Variants in OSBPL3 observed in about 807,000 individuals in gnomAD.
The protein encoded by OSBPL3 is oxysterol-binding protein-related protein 3.
In OSBPL3, 65 loss-of-function variants were observed where a neutral mutation model predicts 120.1. The observed-to-expected ratio is 0.54, with a 90% CI of 0.44 to 0.67. The LOEUF is 0.67. Among genes scored for constraint, OSBPL3 ranks in the 30% least tolerant of loss-of-function variants. The pLI, the probability that OSBPL3 is intolerant of heterozygous loss-of-function variation, is 0.00. For synonymous variants in OSBPL3, 416 were observed against 402.6 expected, an observed-to-expected ratio of 1.03 and a Z score of -0.40; for missense variants, 1,004 against 1,082.1, an observed-to-expected ratio of 0.93 and a Z score of 1.01.
chr7:24,893,486 T>C (rs1805659441), intron 1 of OSBPL3, among the ~76,000 whole-genome samples: 1 of 152,206 alleles, frequency 6.6e-6, no homozygotes, highest in Non-Finnish European at 1.5e-5. Flanking sequence ...GACTGCTTAA[T>C]GGCTACAGTT....
rs530709924 is a variant in OSBPL3 at position 24,913,273 on chromosome 7, G to A, written c.-149-20652C>T. Among the ~76,000 whole-genome samples, 3 of 152,264 alleles carry A rather than the reference G, an allele frequency of 2.0e-5. No homozygotes were observed. Among genetic ancestry groups the A allele is most frequent in the Non-Finnish European group, 2.9e-5 (2 of 68,022 alleles). On this transcript the variant is annotated intron_variant, in intron 1 of 22. Coordinates refer to ENST00000313367, the MANE Select transcript of OSBPL3 (RefSeq NM_015550.4). This position sits in a 1 kb window ranked among gnomAD's most constrained non-coding sequence, Gnocchi z 5.3. ...GTTGTTTGTGACACTGCATTAGATC[G>A]CTGAAACCCCAGGCAGGAAGCCCTG...
chr7:24,825,586 G>A (rs1795614398), intron 16 of OSBPL3, among the ~76,000 whole-genome samples: 1 of 152,200 alleles, frequency 6.6e-6, no homozygotes, highest in Admixed American at 6.5e-5. Flanking sequence ...GGTTTTATTT[G>A]AACGGCTTGA....
At chr7:24,812,859 C>T (rs2128123552) in intron 19 of OSBPL3, among the ~76,000 whole-genome samples, 1 of 152,234 alleles carries the variant, frequency 6.6e-6, no homozygotes, top group East Asian at 1.9e-4. Flanking sequence ...AAAAAAAAGA[C>T]TATTGAGACT....
intron 5 of OSBPL3, among the ~76,000 whole-genome samples, 177 bp downstream of exon 5, chr7:24,870,555 T>C (rs1234026247): frequency 6.6e-6 from 1 of 152,190 alleles, no homozygotes; most frequent in African/African-American, 2.4e-5. Flanking sequence ...TCAAGCAGTG[T>C]TGACAGTCCT....
intron 1 of OSBPL3, among the ~76,000 whole-genome samples, chr7:24,910,305 T>A (rs1301020558): frequency 6.6e-6 from 1 of 152,184 alleles, no homozygotes; most frequent in Non-Finnish European, 1.5e-5. Flanking sequence ...ATGTTCTGAA[T>A]GGAGAGAGAT....
At chr7:24,832,206 CAAAAA>C (rs35738897) in intron 15 of OSBPL3, among the ~76,000 whole-genome samples, 1 of 95,658 alleles carries the variant, frequency 1.0e-5, no homozygotes, top group African/African-American at 4.1e-5. Context: ...GACCCTGTCT[CAAAAA>C]AAAAAAAAAA....
intron 1 of OSBPL3, among the ~76,000 whole-genome samples, chr7:24,926,355 G>T (rs1811046011): frequency 1.3e-5 from 2 of 152,192 alleles, no homozygotes; most frequent in South Asian, 4.1e-4. Flanking sequence ...AAAAACAGAT[G>T]CTCAGGACAT....
rs1444802063 is a variant in OSBPL3 at position 24,965,086 on chromosome 7, T to C, written c.-150+14800A>G. 6.6e-6 allele frequency among the ~76,000 whole-genome samples: 1 copy of C among 152,252 alleles called. No homozygotes were observed. The highest frequency in any genetic ancestry group is 1.5e-5 in the Non-Finnish European group (1 of 68,040). ...GTAGTTAGGGAAGTTATGGAAACCA[T>C]TCATTCATTTATTCAACAATAAGTA... On this transcript the variant is annotated intron_variant, in intron 1 of 22. Transcript: ENST00000313367. The surrounding 1 kb of genome is among the most constrained non-coding windows in gnomAD (Gnocchi z 4.3).
At position 24,835,644 on chromosome 7, in the gene OSBPL3, C is replaced by G. The variant is rs1796905549; in HGVS notation, c.1496-908G>C. 6.6e-6 allele frequency among the ~76,000 whole-genome samples: 1 copy of G among 152,056 alleles called. No homozygotes were observed. Among genetic ancestry groups the G allele is most frequent in the Non-Finnish European group, 1.5e-5 (1 of 68,006 alleles). ...TTTATCACAGCACTATTCCCAACAG[C>G]AAAGACATGGAATCAATTTAAATGC... On this transcript the variant is annotated intron_variant, in intron 14 of 22. Coordinates refer to ENST00000313367, the MANE Select transcript of OSBPL3 (RefSeq NM_015550.4). This position sits in a 1 kb window ranked among gnomAD's most constrained non-coding sequence, Gnocchi z 4.8.
At chr7:24,949,801 T>A (rs898227205) in intron 1 of OSBPL3, among the ~76,000 whole-genome samples, 1 of 152,006 alleles carries the variant, frequency 6.6e-6, no homozygotes, top group African/African-American at 2.4e-5. Flanking sequence ...TATAACACAC[T>A]CTGTTATTAT....
intron 19 of OSBPL3, among the ~76,000 whole-genome samples, chr7:24,814,088 A>G (rs1794170337): frequency 6.6e-6 from 1 of 152,166 alleles, no homozygotes; most frequent in Non-Finnish European, 1.5e-5. Flanking sequence ...CTGACTTCAG[A>G]CGGTGATAAG....
At chr7:24,979,694 G>A (rs900533916) in intron 1 of OSBPL3, among the ~76,000 whole-genome samples, 192 bp downstream of exon 1, 3 of 152,156 alleles carry the variant, frequency 2.0e-5, no homozygotes, top group African/African-American at 7.2e-5. Context: ...CTCCTTCCCC[G>A]GGAGCTGCAG....
rs1812644153 is a variant in OSBPL3, at chr7:24,938,172, G to T, written c.-150+41714C>A. On this transcript the variant is annotated intron_variant, in intron 1 of 22. Coordinates refer to ENST00000313367, the MANE Select transcript of OSBPL3 (RefSeq NM_015550.4). The surrounding 1 kb of genome is among the most constrained non-coding windows in gnomAD (Gnocchi z 5.8). ...ATGGTATTAGGAGTTGGAGCCTTTG[G>T]GCGGTGATCAAGTCATGAGGGCTCC... 6.6e-6 allele frequency among the ~76,000 whole-genome samples: 1 copy of T among 152,144 alleles called. No homozygotes were observed. The highest frequency in any genetic ancestry group is 1.5e-5 in the Non-Finnish European group (1 of 68,036).
At position 24,952,480 on chromosome 7, in the gene OSBPL3, A is replaced by G. The variant is rs1330944490; in HGVS notation, c.-150+27406T>C. Among the ~76,000 whole-genome samples the G allele has an allele frequency of 6.6e-6, 1 of 152,200 alleles. No individual in the cohort carries two copies. On this transcript the variant is annotated intron_variant, in intron 1 of 22. Transcript: ENST00000313367. The surrounding 1 kb of genome is among the most constrained non-coding windows in gnomAD (Gnocchi z 4.4). The stretch of plus-strand genomic sequence containing the variant: ...TATGGTCTAATCTAACATGTCTAAA[A>G]TATTATTTGTAATACCCTTAAAGAA...
intron 2 of OSBPL3, among the ~76,000 whole-genome samples, chr7:24,888,186 A>G (rs1804814603): frequency 6.6e-6 from 1 of 152,238 alleles, no homozygotes; most frequent in Non-Finnish European, 1.5e-5. Context: ...CACTATGGGC[A>G]TTCAGGACTT....
rs1812521400 is a variant in OSBPL3 at position 24,937,139 on chromosome 7, G to T, written c.-150+42747C>A. Among the ~76,000 whole-genome samples the T allele has an allele frequency of 1.3e-5, 2 of 152,176 alleles. No homozygotes were observed. Among genetic ancestry groups the T allele is most frequent in the African/African-American group, 4.8e-5 (2 of 41,440 alleles). On this transcript the variant is annotated intron_variant, in intron 1 of 22. Coordinates refer to ENST00000313367, the MANE Select transcript of OSBPL3 (RefSeq NM_015550.4). This position sits in a 1 kb window ranked among gnomAD's most constrained non-coding sequence, Gnocchi z 4.0. ...CAAACATGTCCTTCTTCACATGGCG[G>T]CAGGAGAAATGCCGAGCAAAAGGGG... is the stretch of plus-strand genomic sequence containing the variant.
At chr7:24,926,513 A>T (rs1025640218) in intron 1 of OSBPL3, among the ~76,000 whole-genome samples, 6 of 152,058 alleles carry the variant, frequency 3.9e-5, no homozygotes, top group Non-Finnish European at 8.8e-5. Flanking sequence ...AGGCTCAATT[A>T]CCCCCACTTT....
chr7:24,867,923 T>TA lies in OSBPL3; in HGVS notation c.382-1687dup, dbSNP rs1390689200. Among the ~76,000 whole-genome samples the TA allele has an allele frequency of 6.6e-6, 1 of 152,242 alleles. No individual in the cohort carries two copies. The highest frequency in any genetic ancestry group is 1.9e-4 in the East Asian group (1 of 5,206). The stretch of plus-strand genomic sequence containing the variant: ...TTTCTAATTTCCATGAAGAATACTG[T>TA]AACTAGTAGTTTTTATTTAAAGATA... On this transcript the variant is annotated intron_variant, in intron 5 of 22. Coordinates refer to ENST00000313367, the MANE Select transcript of OSBPL3 (RefSeq NM_015550.4). The surrounding 1 kb of genome is among the most constrained non-coding windows in gnomAD (Gnocchi z 4.5).
rs946756135 is a variant in OSBPL3 at position 24,883,466 on chromosome 7, T to G, written c.96+8911A>C. The stretch of plus-strand genomic sequence containing the variant: ...CAATAGCTTCTTGAGAACATTCCAT[T>G]ACCTTGTACAGCTGCTATGCTGTGC... On this transcript the variant is annotated intron_variant, in intron 2 of 22. Transcript: ENST00000313367. This position sits in a 1 kb window ranked among gnomAD's most constrained non-coding sequence, Gnocchi z 5.4. 5.9e-5 allele frequency among the ~76,000 whole-genome samples: 9 copies of G among 152,142 alleles called. No homozygotes were observed. Among genetic ancestry groups the G allele is most frequent in the African/African-American group, 1.7e-4 (7 of 41,414 alleles).
Sources: allele counts gnomAD v4.1 joint callset (sites outside exome capture counted in the v4.1 genomes callset), GRCh38; gene constraint gnomAD v4.1.1; non-coding constraint Gnocchi (gnomAD v3.1); transcripts MANE v1.5; gene names NCBI Gene and HGNC (gene_info 2026-07-23, HGNC 2026-07-21).